ANKS1B: variants seen among roughly 807,000 people sequenced by gnomAD.
The protein encoded by ANKS1B is ankyrin repeat and sterile alpha motif domain containing 1B, also known as ankyrin repeat and sterile alpha motif domain-containing protein 1B.
Under a neutral mutation model 148.3 loss-of-function variants are expected in ANKS1B, and 36 were observed. That is an observed-to-expected ratio of 0.24 (90% confidence interval 0.19 to 0.32). ANKS1B has a LOEUF of 0.32. ANKS1B is among the 10% of genes least tolerant of loss of function. The pLI, the probability that ANKS1B is intolerant of heterozygous loss-of-function variation, is 1.00. For missense variants in ANKS1B, 1,157 were observed against 1,542.6 expected (o/e 0.75, Z 4.19); for synonymous variants, 542 against 560.8 (o/e 0.97, Z 0.47).
intron 8 of ANKS1B, among the ~76,000 whole-genome samples, chr12:99,690,704 G>A (rs2098674542): frequency 6.6e-6 from 1 of 152,216 alleles, no homozygotes; most frequent in Non-Finnish European, 1.5e-5. Flanking sequence ...GCTCTGCAGG[G>A]TACAGCCCCC....
rs182051638 is a variant in ANKS1B, at chr12:99,430,177, T to A, written c.1575+13496A>T. 3.8e-3 allele frequency among the ~76,000 whole-genome samples: 573 copies of A among 152,206 alleles called. 5 individuals are homozygous for A. The highest frequency in any genetic ancestry group is 5.9e-3 in the Non-Finnish European group (398 of 68,008). On this transcript the variant is annotated intron_variant, in intron 11 of 26. Coordinates refer to ENST00000683438, the MANE Select transcript of ANKS1B (RefSeq NM_001352186.2). ...AAAATCCATGAAGATCACTCTGTGATAAATATAGAAGATAAATTAGAAGTA... is the reference window on the plus strand; with the variant it reads ...AAAATCCATGAAGATCACTCTGTGAAAAATATAGAAGATAAATTAGAAGTA...
chr12:99,244,515 AT>A, intron 13 of ANKS1B, 101 bp from the exon 14 acceptor site: 1 of 690,384 alleles, frequency 1.4e-6, no homozygotes, highest in Non-Finnish European at 2.3e-6. Flanking sequence ...TTTTGATGTT[AT>A]TACCACAGTG....
At chr12:99,056,336 C>G (rs1240077977) in intron 16 of ANKS1B, among the ~76,000 whole-genome samples, 2 of 152,194 alleles carry the variant, frequency 1.3e-5, no homozygotes, top group Admixed American at 1.3e-4. Flanking sequence ...TAATGATATG[C>G]AGAATAGTTA....
intron 10 of ANKS1B, among the ~76,000 whole-genome samples, chr12:99,498,024 C>T (rs576315591): frequency 1.3e-5 from 2 of 152,224 alleles, no homozygotes; most frequent in Admixed American, 6.5e-5. Context: ...CCTTATTGTC[C>T]AAGTGTCAGC....
intron 17 of ANKS1B, among the ~76,000 whole-genome samples, chr12:98,990,588 A>T (rs973473597): frequency 6.6e-6 from 1 of 151,876 alleles, no homozygotes; most frequent in Non-Finnish European, 1.5e-5. Flanking sequence ...AACACTAAGT[A>T]ACCAAAGATA....
chr12:99,181,292 A>G (rs1323311746), intron 14 of ANKS1B, among the ~76,000 whole-genome samples: 1 of 152,004 alleles, frequency 6.6e-6, no homozygotes, highest in East Asian at 1.9e-4. Context: ...ATAAAACTTT[A>G]TAATTTCTCA....
intron 8 of ANKS1B, among the ~76,000 whole-genome samples, chr12:99,666,706 T>G (rs1327910883): frequency 6.6e-6 from 1 of 152,164 alleles, no homozygotes; most frequent in Non-Finnish European, 1.5e-5. Flanking sequence ...TTAATTTAAT[T>G]TTCTTTTCCC....
chr12:98,880,292 A>T (rs1367290600), intron 17 of ANKS1B, among the ~76,000 whole-genome samples: 1 of 152,254 alleles, frequency 6.6e-6, no homozygotes, highest in Non-Finnish European at 1.5e-5. Context: ...TAATTTAGCA[A>T]CAACAAAAGA....
chr12:99,079,332 G>A lies in ANKS1B; in HGVS notation c.2625+5593C>T, dbSNP rs990351560. On this transcript the variant is annotated intron_variant, in intron 16 of 26. Transcript: ENST00000683438. Reference sequence around the variant, plus strand: ...TTTTTAGCCAAAGCCTCAAACTGAGGATAGAGAAGGGGGTAATTTAATCCA... The same window carrying A: ...TTTTTAGCCAAAGCCTCAAACTGAGAATAGAGAAGGGGGTAATTTAATCCA... 1.3e-3 allele frequency among the ~76,000 whole-genome samples: 198 copies of A among 152,292 alleles called. 1 individual carries two copies. Among genetic ancestry groups the A allele is most frequent in the Non-Finnish European group, 2.4e-4 (16 of 68,014 alleles).
chr12:99,536,389 C>G (rs571377924), intron 9 of ANKS1B, among the ~76,000 whole-genome samples: 1 of 152,198 alleles, frequency 6.6e-6, no homozygotes, highest in African/African-American at 2.4e-5. Flanking sequence ...TAAAACTGCT[C>G]TAAAAAATTA....
intron 15 of ANKS1B, among the ~76,000 whole-genome samples, chr12:99,141,220 T>G (rs772422663): frequency 6.6e-6 from 1 of 152,148 alleles, no homozygotes; most frequent in Non-Finnish European, 1.5e-5. Flanking sequence ...AAGTCACCCT[T>G]TAGCTATTAG....
At chr12:99,818,837 T>C (rs904526487) in intron 2 of ANKS1B, among the ~76,000 whole-genome samples, 2 of 151,842 alleles carry the variant, frequency 1.3e-5, no homozygotes, top group Non-Finnish European at 3.0e-5. Flanking sequence ...TTAATTCACA[T>C]CCATTTTCTG....
chr12:99,257,058 C>G (rs1293502169), intron 12 of ANKS1B, among the ~76,000 whole-genome samples: 1 of 152,092 alleles, frequency 6.6e-6, no homozygotes, highest in African/African-American at 2.4e-5. Flanking sequence ...TCCTGGCTAA[C>G]ACTGTGAAAC....
chr12:99,290,113 G>T (rs2079730939), intron 12 of ANKS1B, among the ~76,000 whole-genome samples: 1 of 151,842 alleles, frequency 6.6e-6, no homozygotes. Flanking sequence ...AAATTCAAAT[G>T]ATCGTTAGAG....
chr12:99,487,395 T>C (rs2096504503), intron 10 of ANKS1B, among the ~76,000 whole-genome samples: 1 of 152,218 alleles, frequency 6.6e-6, no homozygotes, highest in African/African-American at 2.4e-5. Context: ...ATTACCATCA[T>C]CATGACATAG....
Position 99,306,590 on chromosome 12 carries a change from T to C in ANKS1B, c.1757-59726A>G, listed in dbSNP as rs1417079353. On this transcript the variant is annotated intron_variant, in intron 12 of 26. Transcript: ENST00000683438. ...CTAGATTATCCAGGTTTTTATCAAC[T>C]GGATGCTGTCTAGCATATCAAAGAC... Among the ~76,000 whole-genome samples the C allele has an allele frequency of 2.0e-5, 3 of 152,098 alleles. No individual in the cohort carries two copies. In the East Asian group the frequency reaches 5.8e-4, roughly 29 times the overall value.
intron 15 of ANKS1B, among the ~76,000 whole-genome samples, chr12:99,146,575 A>G (rs1181423880): frequency 6.6e-6 from 1 of 152,140 alleles, no homozygotes; most frequent in Admixed American, 6.5e-5. Flanking sequence ...GGTTAAAGCA[A>G]AAACACCCTC....
chr12:99,898,019 T>C (rs1603445454), intron 1 of ANKS1B, among the ~76,000 whole-genome samples: 1 of 152,148 alleles, frequency 6.6e-6, no homozygotes, highest in East Asian at 1.9e-4. Flanking sequence ...CATAATTTTT[T>C]CAGTGTACAT....
intron 12 of ANKS1B, among the ~76,000 whole-genome samples, chr12:99,287,980 T>A (rs1293517459): frequency 6.6e-6 from 1 of 152,096 alleles, no homozygotes; most frequent in Non-Finnish European, 1.5e-5. Context: ...AAGAGAGAGA[T>A]CAGGGTTGAA....
Sources: gnomAD v4.1 joint callset for allele counts (sites outside exome capture counted in the v4.1 genomes callset) on GRCh38, gnomAD v4.1.1 for gene constraint, MANE v1.5 for transcripts, NCBI Gene and HGNC (gene_info 2026-07-23, HGNC 2026-07-21) for gene names.